Variants in SV2C observed in about 807,000 individuals in gnomAD.
SV2C encodes solute carrier family 22 member B3.
A neutral mutation model predicts 79.7 loss-of-function variants in SV2C; 49 were observed. That is an observed-to-expected ratio of 0.61 (90% CI 0.49 to 0.78). The LOEUF is 0.78. Among genes scored for constraint, SV2C ranks in the 30% least tolerant of loss-of-function variants. SV2C has a pLI of 0.00. For missense variants in SV2C, 833 were observed against 912.9 expected (o/e 0.91, Z 1.13); for synonymous variants, 334 against 333.2 (o/e 1.00, Z -0.03).
the SV2C span, among the ~76,000 whole-genome samples, chr5:76,000,020 T>C: frequency 6.6e-6 from 1 of 152,042 alleles, no homozygotes; most frequent in Non-Finnish European, 1.5e-5. Flanking sequence ...CAACATAAAT[T>C]TGCGAGGGGA....
intron 2 of SV2C, among the ~76,000 whole-genome samples, chr5:76,155,522 C>T (rs561191038): frequency 6.6e-6 from 1 of 152,250 alleles, no homozygotes; most frequent in Admixed American, 6.5e-5. Context: ...TCATCTTGCC[C>T]TCAGCAACCT....
At chr5:76,059,314 T>G in the SV2C span, among the ~76,000 whole-genome samples, 7 of 152,068 alleles carry the variant, frequency 4.6e-5, no homozygotes, top group African/African-American at 1.7e-4. Context: ...CTCTGTAGCA[T>G]GCGAGGATGT....
chr5:76,074,446 T>TA, the SV2C span, among the ~76,000 whole-genome samples: 4 of 152,266 alleles, frequency 2.6e-5, no homozygotes, highest in South Asian at 2.1e-4. Context: ...GATGTGCAGA[T>TA]AATATAGGAA....
At chr5:76,169,126 A>C (rs775444318) in intron 2 of SV2C, among the ~76,000 whole-genome samples, 3 of 152,234 alleles carry the variant, frequency 2.0e-5, no homozygotes, top group Non-Finnish European at 4.4e-5. Context: ...TTACTGGACA[A>C]AGTAGAAGAA....
chr5:76,314,156 GTGAATGAA>G (rs113861501), intron 12 of SV2C, among the ~76,000 whole-genome samples: 3 of 152,158 alleles, frequency 2.0e-5, no homozygotes, highest in African/African-American at 7.2e-5. Context: ...ATAACTCTAG[GTGAATGAA>G]TGAATGAATG....
the SV2C span, among the ~76,000 whole-genome samples, chr5:76,073,499 GTGTGTATA>G: frequency 6.7e-5 from 6 of 89,262 alleles, no homozygotes; most frequent in African/African-American, 3.3e-4. Flanking sequence ...GTATGTATGT[GTGTGTATA>G]TATATATATA....
At chr5:76,101,995 G>A (rs1345455880) in intron 1 of SV2C, among the ~76,000 whole-genome samples, 2 of 152,252 alleles carry the variant, frequency 1.3e-5, no homozygotes, top group South Asian at 2.1e-4. Context: ...CCAGGTCACT[G>A]TCATCTCTCA....
At chr5:76,194,775 T>G in intron 2 of SV2C, 144 bp from the exon 3 acceptor site, 2 of 948,780 alleles carry the variant, frequency 2.1e-6, no homozygotes, top group Non-Finnish European at 3.1e-6. Flanking sequence ...GAAAACTGAT[T>G]ACTGTGTCCT....
At chr5:76,165,095 C>T (rs1283687459) in intron 2 of SV2C, among the ~76,000 whole-genome samples, 2 of 151,158 alleles carry the variant, frequency 1.3e-5, no homozygotes, top group Admixed American at 1.3e-4. Context: ...GAGGTGGAAC[C>T]CACAGGTATG....
chr5:76,055,381 T>C, the SV2C span, among the ~76,000 whole-genome samples: 1 of 152,208 alleles, frequency 6.6e-6, no homozygotes, highest in Non-Finnish European at 1.5e-5. Flanking sequence ...ACCAGTACCA[T>C]GCTGTTTTGG....
chr5:76,335,262 AG>A (rs1749288224), downstream of SV2C, among the ~76,000 whole-genome samples: 1 of 152,080 alleles, frequency 6.6e-6, no homozygotes, highest in South Asian at 2.1e-4. Flanking sequence ...TCCCCCAGCT[AG>A]ATCCTCCTTC....
chr5:76,190,435 G>C (rs957771503), intron 2 of SV2C, among the ~76,000 whole-genome samples: 27 of 152,304 alleles, frequency 1.8e-4, no homozygotes, highest in Admixed American at 1.4e-3. Context: ...GGGTAAAGAA[G>C]ACTTTGGGTA....
the SV2C span, among the ~76,000 whole-genome samples, chr5:75,980,723 G>A: frequency 2.0e-5 from 3 of 152,050 alleles, no homozygotes; most frequent in Non-Finnish European, 4.4e-5. Flanking sequence ...AAAATAATAA[G>A]AGCCATATAT....
the SV2C span, among the ~76,000 whole-genome samples, chr5:75,950,361 A>G: frequency 1.3e-5 from 2 of 152,074 alleles, no homozygotes; most frequent in South Asian, 4.1e-4. Context: ...TCTATGGCTT[A>G]CAAAAAGACC....
At chr5:76,249,481 G>A (rs1481620653) in intron 4 of SV2C, among the ~76,000 whole-genome samples, 1 of 152,146 alleles carries the variant, frequency 6.6e-6, no homozygotes, top group Non-Finnish European at 1.5e-5. Flanking sequence ...ATTCAACATT[G>A]GCTTTGGAAA....
chr5:75,999,171 A>G, the SV2C span, among the ~76,000 whole-genome samples: 7 of 152,080 alleles, frequency 4.6e-5, no homozygotes, highest in Non-Finnish European at 1.0e-4. Flanking sequence ...CCCATGATTC[A>G]ATTACCTCCC....
chr5:76,279,283 A>G (rs1747111738), intron 4 of SV2C, among the ~76,000 whole-genome samples: 1 of 152,218 alleles, frequency 6.6e-6, no homozygotes, highest in Non-Finnish European at 1.5e-5. Context: ...CTGGGAACAG[A>G]AAAAGAATGT....
the SV2C span, among the ~76,000 whole-genome samples, chr5:75,976,271 T>TTCTCTC: frequency 6.6e-6 from 1 of 152,138 alleles, no homozygotes; most frequent in Non-Finnish European, 1.5e-5. Context: ...TTCATATTCA[T>TTCTCTC]TCTCTCTCTC....
chr5:76,242,834 A>G (rs1267522939), intron 4 of SV2C, among the ~76,000 whole-genome samples: 2 of 151,680 alleles, frequency 1.3e-5, no homozygotes, highest in Non-Finnish European at 2.9e-5. Context: ...GGAGTTCAAG[A>G]CTAGCCTGGA....
Sources: allele counts gnomAD v4.1 joint callset (sites outside exome capture counted in the v4.1 genomes callset), GRCh38; gene constraint gnomAD v4.1.1; transcripts MANE v1.5; gene names NCBI Gene and HGNC (gene_info 2026-07-23, HGNC 2026-07-21).